Variants in MEGF10 observed in about 807,000 individuals in gnomAD.
MEGF10 encodes the protein multiple EGF like domains 10, also known as multiple epidermal growth factor-like domains protein 10.
MEGF10 carries 86 observed loss-of-function variants against 147.5 expected under a neutral mutation model. The ratio of observed to expected loss-of-function variants is 0.58; its 90% CI spans 0.49 to 0.70. The LOEUF (loss-of-function observed/expected upper bound fraction) is 0.70. Among genes scored for constraint, MEGF10 ranks in the 30% least tolerant of loss-of-function variants. The pLI, the probability that MEGF10 is intolerant of heterozygous loss-of-function variation, is 0.00. For missense variants in MEGF10, 1,329 were observed against 1,487.3 expected, an observed-to-expected ratio of 0.89 and a Z score of 1.75; for synonymous variants, 478 against 525.5, an observed-to-expected ratio of 0.91 and a Z score of 1.24.
At chr5:127,391,836 G>C (rs1369421694) in intron 5 of MEGF10, among the ~76,000 whole-genome samples, 1 of 151,864 alleles carries the variant, frequency 6.6e-6, no homozygotes, top group African/African-American at 2.4e-5. Context: ...CATTTCATTT[G>C]GAAATTACAG....
chr5:127,238,275 C>G, the MEGF10 span, among the ~76,000 whole-genome samples: 2 of 151,878 alleles, frequency 1.3e-5, no homozygotes, highest in Non-Finnish European at 2.9e-5. Flanking sequence ...AGGCTGGTCT[C>G]GAACTCCTGA....
In MEGF10 at chr5:127,435,341, G is replaced by A; in HGVS notation, c.1976-20G>A. ...AGAGGGGTTTTGATTGTGAGTTACT[G>A]ACCTATAGCTTATTCACAGTGTGTC... is the stretch of plus-strand genomic sequence containing the variant. On this transcript the variant is annotated intron_variant, in intron 15 of 24. Transcript: ENST00000503335. The A allele has an allele frequency of 2.5e-6, 4 of 1,613,018 alleles. No individual in the cohort carries two copies. The highest frequency in any genetic ancestry group is 3.4e-6 in the Non-Finnish European group (4 of 1,179,602).
the MEGF10 span, among the ~76,000 whole-genome samples, chr5:127,270,402 C>A: frequency 1.8e-4 from 28 of 151,510 alleles, no homozygotes; most frequent in Non-Finnish European, 3.5e-4. Flanking sequence ...ACCAAGCAAA[C>A]GGAAAACAAA....
the MEGF10 span, among the ~76,000 whole-genome samples, chr5:127,285,320 T>G: frequency 6.6e-6 from 1 of 152,100 alleles, no homozygotes; most frequent in Non-Finnish European, 1.5e-5. Context: ...AAAATGGAAT[T>G]TGATAGACCT....
chr5:127,418,917 T>A (rs534926989), intron 10 of MEGF10, among the ~76,000 whole-genome samples: 16 of 152,294 alleles, frequency 1.1e-4, no homozygotes, highest in African/African-American at 3.9e-4. Flanking sequence ...TAATAATATA[T>A]CCTAAACATA....
At chr5:127,268,994 C>G in the MEGF10 span, among the ~76,000 whole-genome samples, 1 of 152,228 alleles carries the variant, frequency 6.6e-6, no homozygotes, top group East Asian at 1.9e-4. Context: ...GAGTGGCCCT[C>G]CAGCACACTC....
chr5:127,378,965 G>T (rs531946934), intron 5 of MEGF10, among the ~76,000 whole-genome samples: 2 of 151,182 alleles, frequency 1.3e-5, no homozygotes, highest in Non-Finnish European at 2.9e-5. Flanking sequence ...TACTAATGAT[G>T]TTTAAATTAC....
intron 23 of MEGF10, 94 bp downstream of exon 23, chr5:127,454,704 A>G: frequency 8.7e-7 from 1 of 1,143,674 alleles, no homozygotes; most frequent in South Asian, 1.5e-5. Flanking sequence ...TAGAATGGCA[A>G]GAGAAAATGT....
At chr5:127,275,718 G>A in the MEGF10 span, among the ~76,000 whole-genome samples, 9 of 152,242 alleles carry the variant, frequency 5.9e-5, no homozygotes, top group African/African-American at 2.2e-4. Flanking sequence ...AAGTTTATAA[G>A]GTGGGCTGAG....
At chr5:127,280,816 A>G in the MEGF10 span, among the ~76,000 whole-genome samples, 1 of 152,300 alleles carries the variant, frequency 6.6e-6, no homozygotes, top group East Asian at 1.9e-4. Flanking sequence ...GCTTATAGCA[A>G]CGCTGCTTAT....
At chr5:127,274,679 C>A in the MEGF10 span, among the ~76,000 whole-genome samples, 1 of 151,920 alleles carries the variant, frequency 6.6e-6, no homozygotes, top group Non-Finnish European at 1.5e-5. Context: ...TTTTCTCAAG[C>A]AAGGGTTTTA....
At chr5:127,320,135 T>C (rs1219398738) in intron 1 of MEGF10, among the ~76,000 whole-genome samples, 1 of 152,226 alleles carries the variant, frequency 6.6e-6, no homozygotes, top group Non-Finnish European at 1.5e-5. Context: ...TTGCTTGCCA[T>C]GAAAGCTGCT....
intron 7 of MEGF10, among the ~76,000 whole-genome samples, chr5:127,401,882 C>T (rs1298748371): frequency 2.6e-5 from 4 of 152,142 alleles, no homozygotes; most frequent in Non-Finnish European, 4.4e-5. Context: ...TTTTTCTCCC[C>T]AGGAAATAAG....
intron 1 of MEGF10, among the ~76,000 whole-genome samples, chr5:127,307,944 A>G (rs1026692617): frequency 1.3e-5 from 2 of 152,172 alleles, no homozygotes; most frequent in African/African-American, 2.4e-5. Context: ...ACATGCGATG[A>G]CCTGAGCAGA....
chr5:127,361,215 AT>A (rs561983699), intron 4 of MEGF10, among the ~76,000 whole-genome samples: 375 of 152,072 alleles, frequency 2.5e-3, no homozygotes, highest in African/African-American at 8.6e-3. Context: ...CTATAATTTA[AT>A]TGCTTTAAAA....
the MEGF10 span, among the ~76,000 whole-genome samples, chr5:127,243,368 A>G: frequency 5.3e-5 from 8 of 152,320 alleles, no homozygotes; most frequent in Non-Finnish European, 8.8e-5. Flanking sequence ...AAATGTTTTT[A>G]GTAGGGGAAA....
chr5:127,348,699 G>A (rs1761984704), intron 4 of MEGF10, among the ~76,000 whole-genome samples: 1 of 152,168 alleles, frequency 6.6e-6, no homozygotes, highest in Non-Finnish European at 1.5e-5. Flanking sequence ...TCAGCTGGCA[G>A]ATGTTTCATT....
the MEGF10 span, among the ~76,000 whole-genome samples, chr5:127,283,396 T>C: frequency 0.017 from 2,642 of 152,310 alleles, 74 homozygotes; most frequent in African/African-American, 0.06. Context: ...TGTGATTCTC[T>C]GGTCTTGGTA....
chr5:127,371,334 T>C (rs1232365640), intron 5 of MEGF10, among the ~76,000 whole-genome samples: 1 of 151,286 alleles, frequency 6.6e-6, no homozygotes, highest in Admixed American at 6.6e-5. Flanking sequence ...AGGAGGAGAG[T>C]GGGCATTTTG....
Sources: gnomAD v4.1 joint callset for allele counts (sites outside exome capture counted in the v4.1 genomes callset) on GRCh38, gnomAD v4.1.1 for gene constraint, MANE v1.5 for transcripts, NCBI Gene and HGNC (gene_info 2026-07-23, HGNC 2026-07-21) for gene names.